Variants in CFAP299 observed in about 807,000 individuals in gnomAD.
CFAP299 encodes cilia and flagella associated protein 299.
In CFAP299, 21 loss-of-function variants were observed where a neutral mutation model predicts 27.0. The observed-to-expected ratio is 0.78, with a 90% CI of 0.55 to 1.12. The LOEUF (loss-of-function observed/expected upper bound fraction) is 1.12, where lower values mean the gene tolerates loss of function less well. Ranked by LOEUF, CFAP299 falls within the 50% of genes most tolerant of loss-of-function variation. CFAP299 has a pLI of 0.00. For missense variants in CFAP299, 310 were observed against 276.6 expected, an observed-to-expected ratio of 1.12 and a Z score of -0.86; for synonymous variants, 104 against 98.1, an observed-to-expected ratio of 1.06 and a Z score of -0.36.
chr4:80,714,507 C>T (rs1194019679), intron 3 of CFAP299, among the ~76,000 whole-genome samples: 5 of 152,062 alleles, frequency 3.3e-5, no homozygotes, highest in Non-Finnish European at 7.4e-5. Flanking sequence ...TCCATTATAG[C>T]TCCATGAACT....
At chr4:80,429,015 T>G (rs1727672875) in intron 2 of CFAP299, among the ~76,000 whole-genome samples, 1 of 152,216 alleles carries the variant, frequency 6.6e-6, no homozygotes, top group African/African-American at 2.4e-5. Flanking sequence ...ATTTATGGGA[T>G]GAGCATTTGA....
intron 4 of CFAP299, among the ~76,000 whole-genome samples, chr4:80,878,509 G>C (rs965382998): frequency 6.6e-6 from 1 of 152,028 alleles, no homozygotes; most frequent in East Asian, 1.9e-4. Flanking sequence ...GGTTAAAGAA[G>C]ACTTGCTATA....
At chr4:80,776,820 A>G (rs1726569523) in intron 3 of CFAP299, among the ~76,000 whole-genome samples, 1 of 151,966 alleles carries the variant, frequency 6.6e-6, no homozygotes. Flanking sequence ...CAGCTCAAAT[A>G]ATTGAACAAT....
intron 2 of CFAP299, among the ~76,000 whole-genome samples, chr4:80,512,047 A>G (rs1200404567): frequency 6.6e-6 from 1 of 152,164 alleles, no homozygotes; most frequent in Non-Finnish European, 1.5e-5. Flanking sequence ...AAATGCTTTC[A>G]GTAACTAGGA....
At chr4:80,348,546 T>G (rs967228963) in intron 1 of CFAP299, among the ~76,000 whole-genome samples, 1 of 152,164 alleles carries the variant, frequency 6.6e-6, no homozygotes, top group African/African-American at 2.4e-5. Context: ...TCAACATCAC[T>G]GATCATTAGG....
At chr4:80,473,950 C>T (rs1730145474) in intron 2 of CFAP299, among the ~76,000 whole-genome samples, 1 of 152,138 alleles carries the variant, frequency 6.6e-6, no homozygotes, top group Admixed American at 6.5e-5. Flanking sequence ...AAAACTTTTA[C>T]AGTCACATAA....
intron 3 of CFAP299, among the ~76,000 whole-genome samples, chr4:80,646,984 AGAGAGTGTGTGTGT>A (rs1405753996): frequency 0.013 from 1,838 of 144,814 alleles, 30 homozygotes; most frequent in African/African-American, 0.043. Context: ...AGAGAGAGAG[AGAGAGTGTGTGTGT>A]GTGTGTGTGT....
intron 1 of CFAP299, among the ~76,000 whole-genome samples, chr4:80,348,515 C>T (rs1490381159): frequency 6.6e-6 from 1 of 152,096 alleles, no homozygotes; most frequent in African/African-American, 2.4e-5. Flanking sequence ...TTCATGCAGC[C>T]AACAAACATA....
At chr4:80,387,148 G>C (rs113929726) in intron 2 of CFAP299, 4 of 1,375,332 alleles carry the variant, frequency 2.9e-6, no homozygotes. Context: ...ACTTGTAGAC[G>C]GCACTGCCCT....
At chr4:80,916,295 A>ATATATATATATATATATATT (rs1405206483) in intron 4 of CFAP299, among the ~76,000 whole-genome samples, 8 of 125,584 alleles carry the variant, frequency 6.4e-5, no homozygotes, top group African/African-American at 2.5e-4. Context: ...ATATATATAT[A>ATATATATATATATATATATT]TTTCAGGTAC....
chr4:80,783,312 G>A (rs981362590), intron 3 of CFAP299, among the ~76,000 whole-genome samples: 2 of 152,122 alleles, frequency 1.3e-5, no homozygotes, highest in African/African-American at 4.8e-5. Context: ...TTCAGTGTAG[G>A]AGGGAACTAG....
chr4:80,330,765 G>T (rs1560515660), upstream of CFAP299, among the ~76,000 whole-genome samples: 1 of 152,108 alleles, frequency 6.6e-6, no homozygotes, highest in East Asian at 1.9e-4. Context: ...TAAAATTTAG[G>T]TTGTTTTTCT....
At chr4:80,480,152 C>T (rs549586496) in intron 2 of CFAP299, among the ~76,000 whole-genome samples, 9 of 151,830 alleles carry the variant, frequency 5.9e-5, no homozygotes, top group Non-Finnish European at 1.3e-4. Context: ...CTTATGGATA[C>T]TTTCTCATGG....
intron 3 of CFAP299, among the ~76,000 whole-genome samples, chr4:80,705,072 A>C (rs1288212208): frequency 6.6e-6 from 1 of 151,784 alleles, no homozygotes; most frequent in Non-Finnish European, 1.5e-5. Context: ...TAAAAGTGCT[A>C]GCAGTTTTGT....
intron 2 of CFAP299, among the ~76,000 whole-genome samples, chr4:80,512,438 A>G (rs1560602071): frequency 1.3e-5 from 2 of 152,104 alleles, no homozygotes; most frequent in Admixed American, 1.3e-4. Flanking sequence ...TATGAAGCAC[A>G]TATGGAAAAC....
At chr4:80,758,908 C>T (rs760152319) in intron 3 of CFAP299, among the ~76,000 whole-genome samples, 1 of 151,990 alleles carries the variant, frequency 6.6e-6, no homozygotes, top group African/African-American at 2.4e-5. Flanking sequence ...AATAAATCCT[C>T]TAAATATTAA....
chr4:80,731,114 A>G (rs1157295835), intron 3 of CFAP299, among the ~76,000 whole-genome samples: 1 of 152,202 alleles, frequency 6.6e-6, no homozygotes, highest in African/African-American at 2.4e-5. Flanking sequence ...ATTTTTAAAG[A>G]TGAAACCTAC....
intron 3 of CFAP299, among the ~76,000 whole-genome samples, chr4:80,670,647 T>C (rs879957250): frequency 1.3e-5 from 2 of 152,138 alleles, no homozygotes; most frequent in African/African-American, 2.4e-5. Context: ...CTCTCCAGCA[T>C]CTGTTGTTTC....
At chr4:80,597,712 G>C (rs1435061522) in intron 3 of CFAP299, among the ~76,000 whole-genome samples, 1 of 151,648 alleles carries the variant, frequency 6.6e-6, no homozygotes, top group South Asian at 2.1e-4. Flanking sequence ...TTTAAAGATG[G>C]AGTATTGCTC....
Sources: gnomAD v4.1 joint callset for allele counts (sites outside exome capture counted in the v4.1 genomes callset) on GRCh38, gnomAD v4.1.1 for gene constraint, MANE v1.5 for transcripts, NCBI Gene and HGNC (gene_info 2026-07-23, HGNC 2026-07-21) for gene names.